Variants in CACHD1 observed in about 807,000 individuals in gnomAD.
CACHD1 encodes cache domain containing 1.
Under a neutral mutation model 138.7 loss-of-function variants are expected in CACHD1, and 71 were observed. That is an observed-to-expected ratio of 0.51 (90% CI 0.42 to 0.62). The LOEUF (loss-of-function observed/expected upper bound fraction) is 0.62. Ranked by LOEUF, CACHD1 falls within the 20% of genes least tolerant of loss-of-function variation. The pLI, the probability that CACHD1 is intolerant of heterozygous loss-of-function variation, is 0.00. For synonymous variants in CACHD1, 578 were observed against 591.5 expected, an observed-to-expected ratio of 0.98 and a Z score of 0.33; for missense variants, 1,389 against 1,625.3, an observed-to-expected ratio of 0.85 and a Z score of 2.50.
chr1:64,552,847 T>C (rs1570359654), intron 2 of CACHD1, among the ~76,000 whole-genome samples: 1 of 152,262 alleles, frequency 6.6e-6, no homozygotes, highest in Non-Finnish European at 1.5e-5. Flanking sequence ...TACAGGAGTC[T>C]CTGCTAAACT....
rs1356931075 is a variant in CACHD1 at position 64,658,786 on chromosome 1, G to A, written c.1864G>A (p.Val622Ile). Residue 622 changes from valine to isoleucine, a missense_variant, in exon 13 of 27, where the codon GTT becomes ATT. By Grantham distance (29) the Val-to-Ile change is conservative (BLOSUM62 3). Around this residue, in one of 5 missense-constraint regions of CACHD1, gnomAD observed 1,000 missense variants for 1,114.7 expected, o/e 0.90. Coordinates refer to ENST00000651257, the MANE Select transcript of CACHD1 (RefSeq NM_020925.4). ...GAAACAACTGAAGAACCTCAACACT[G>A]TTCCCAGCAGCAAGCTGCTGTACCA... ...PVKQLKNLNT[V>I]PSSKLLYHRL... 1 of 1,607,336 alleles carries A rather than the reference G, an allele frequency of 6.2e-7. No homozygotes were observed. Among genetic ancestry groups the A allele is most frequent in the Admixed American group, 1.7e-5 (1 of 59,430 alleles).
In CACHD1 at chr1:64,630,391, C is replaced by T. The variant is rs140753444; in HGVS notation, c.644+910C>T. 1.3e-4 allele frequency among the ~76,000 whole-genome samples: 20 copies of T among 151,770 alleles called. No homozygotes were observed. In the South Asian group the frequency reaches 3.8e-3, roughly 28 times the overall value. On this transcript the variant is annotated intron_variant, in intron 5 of 26. Transcript: ENST00000651257. Reference sequence around the variant, plus strand: ...GATCTCAGCTCTGCAAACTCTGCCTCCCGGGTTCAAGCGATTCTCCTGCCT... The same window carrying T: ...GATCTCAGCTCTGCAAACTCTGCCTTCCGGGTTCAAGCGATTCTCCTGCCT...
At chr1:64,623,454 A>C (rs1647986878) in intron 4 of CACHD1, among the ~76,000 whole-genome samples, 1 of 78,274 alleles carries the variant, frequency 1.3e-5, no homozygotes, top group Admixed American at 1.7e-4. Context: ...TTAACACACA[A>C]ACATACAGAT....
intron 1 of CACHD1, among the ~76,000 whole-genome samples, chr1:64,520,400 G>T (rs114171455): frequency 6.6e-6 from 1 of 152,192 alleles, no homozygotes; most frequent in Non-Finnish European, 1.5e-5. Context: ...AAAGGGCCTG[G>T]TGTTAATGAA....
At chr1:64,500,732 AAAAGAGAG>A (rs748531548) in intron 1 of CACHD1, among the ~76,000 whole-genome samples, 2,649 of 51,422 alleles carry the variant, frequency 0.052, 110 homozygotes, top group African/African-American at 0.11. Context: ...AAAAAAAAAA[AAAAGAGAG>A]AGAGAGAGAG....
chr1:64,602,777 G>C, intron 3 of CACHD1, 29 bp from the exon 4 acceptor site: 1 of 1,478,862 alleles, frequency 6.8e-7, no homozygotes, highest in Non-Finnish European at 9.5e-7. Flanking sequence ...GCCTGAATAA[G>C]TATTGCTAAT....
At chr1:64,560,516 CTTATTG>C (rs1274951478) in intron 2 of CACHD1, among the ~76,000 whole-genome samples, 2 of 151,798 alleles carry the variant, frequency 1.3e-5, no homozygotes, top group Admixed American at 6.6e-5. Flanking sequence ...CTTTAGATAT[CTTATTG>C]TTATTGATTT....
At chr1:64,609,086 G>A (rs1049559863) in intron 4 of CACHD1, among the ~76,000 whole-genome samples, 1 of 152,200 alleles carries the variant, frequency 6.6e-6, no homozygotes, top group African/African-American at 2.4e-5. Flanking sequence ...AGGATAGGAT[G>A]TACAGGTGGG....
At chr1:64,472,194 G>GT (rs11451479) in intron 1 of CACHD1, among the ~76,000 whole-genome samples, 123,093 of 151,946 alleles carry the variant, frequency 0.81, 50,016 homozygotes, top group East Asian at 0.93. Context: ...CTTCTTCGTC[G>GT]CGTCGTCCTC....
chr1:64,566,049 T>G (rs1646878109), intron 2 of CACHD1, among the ~76,000 whole-genome samples: 1 of 152,242 alleles, frequency 6.6e-6, no homozygotes, highest in African/African-American at 2.4e-5. Context: ...AAATGATACC[T>G]CTCAGGGAGG....
At chr1:64,648,187 T>C (rs979840245) in intron 9 of CACHD1, among the ~76,000 whole-genome samples, 153 bp downstream of exon 9, 1 of 152,230 alleles carries the variant, frequency 6.6e-6, no homozygotes, top group Non-Finnish European at 1.5e-5. Flanking sequence ...GCCCAGGTTC[T>C]TCCTTATTAC....
chr1:64,662,903 ATCTT>A (rs1649489676), intron 13 of CACHD1, among the ~76,000 whole-genome samples: 1 of 152,148 alleles, frequency 6.6e-6, no homozygotes, highest in South Asian at 2.1e-4. Context: ...TCACTGTTCC[ATCTT>A]TCTTTCTTAA....
At chr1:64,490,711 T>C (rs955548781) in intron 1 of CACHD1, among the ~76,000 whole-genome samples, 1 of 152,254 alleles carries the variant, frequency 6.6e-6, no homozygotes, top group African/African-American at 2.4e-5. Flanking sequence ...GCAGAGTGAC[T>C]TGGCTTCAGC....
chr1:64,585,723 T>C (rs1188244266), intron 3 of CACHD1, among the ~76,000 whole-genome samples: 1 of 152,226 alleles, frequency 6.6e-6, no homozygotes, highest in African/African-American at 2.4e-5. Context: ...AGAGATCTTT[T>C]GCAACAGGAA....
At chr1:64,650,411 T>C (rs1399162215) in intron 9 of CACHD1, among the ~76,000 whole-genome samples, 2 of 152,174 alleles carry the variant, frequency 1.3e-5, no homozygotes. Flanking sequence ...TACAACCTAT[T>C]TATCCTGGGA....
chr1:64,580,230 ATT>A (rs1283754165), intron 2 of CACHD1, among the ~76,000 whole-genome samples: 2 of 151,994 alleles, frequency 1.3e-5, no homozygotes, highest in Non-Finnish European at 2.9e-5. Flanking sequence ...AATGTACAGG[ATT>A]TTTTTTCCCT....
At chr1:64,627,787 C>A (rs930261426) in intron 4 of CACHD1, among the ~76,000 whole-genome samples, 3 of 152,176 alleles carry the variant, frequency 2.0e-5, no homozygotes, top group Non-Finnish European at 4.4e-5. Flanking sequence ...CACCTACTAG[C>A]TGTGGATATT....
In CACHD1 at chr1:64,582,253, C is replaced by A. The variant is rs1647019045; in HGVS notation, c.359C>A (p.Ser120Tyr). 4.3e-6 allele frequency: 7 copies of A among 1,614,014 alleles called. No individual in the cohort carries two copies. Among genetic ancestry groups the A allele is most frequent in the Non-Finnish European group, 5.9e-6 (7 of 1,179,864 alleles). Residue 120 changes from serine to tyrosine, a missense_variant, in exon 3 of 27, where the codon TCT (serine) becomes TAT (tyrosine). Physicochemically the swap from Ser to Tyr is moderately radical, Grantham distance 144 (BLOSUM62 -2). Transcript: ENST00000651257. ...GCATCCTATACGGCTCACCTAACCT[C>A]TCCCCTAACTGCAATTCAAGACTGC... ...VEASYTAHLT[S>Y]PLTAIQDCCT...
chr1:64,590,083 G>A (rs981949741), intron 3 of CACHD1, among the ~76,000 whole-genome samples: 9 of 152,020 alleles, frequency 5.9e-5, no homozygotes, highest in African/African-American at 2.2e-4. Context: ...TGAGGTGGGC[G>A]GATCACGAGG....
Sources: gnomAD v4.1 joint callset for allele counts (sites outside exome capture counted in the v4.1 genomes callset) on GRCh38, gnomAD v4.1.1 for gene constraint, gnomAD v4.1.1 regional missense constraint, MANE v1.5 for transcripts, NCBI Gene and HGNC (gene_info 2026-07-23, HGNC 2026-07-21) for gene names.